TRPC4: variants seen among roughly 807,000 people sequenced by gnomAD.
The protein encoded by TRPC4 is transient receptor potential cation channel subfamily C member 4, also known as short transient receptor potential channel 4.
A neutral mutation model predicts 99.4 loss-of-function variants in TRPC4; 49 were observed. The ratio of observed to expected loss-of-function variants is 0.49; its 90% CI spans 0.39 to 0.63. TRPC4 has a LOEUF of 0.63. Ranked by LOEUF, TRPC4 falls within the 20% of genes least tolerant of loss-of-function variation. The pLI is 0.00. For synonymous variants in TRPC4, 454 were observed against 425.9 expected (o/e 1.07, Z -0.81); for missense variants, 898 against 1,152.9 (o/e 0.78, Z 3.20).
At chr13:37,792,316 T>G (rs1957141802) in intron 1 of TRPC4, among the ~76,000 whole-genome samples, 4 of 152,172 alleles carry the variant, frequency 2.6e-5, no homozygotes, top group Admixed American at 2.6e-4. Context: ...TAACATATTT[T>G]GAGTAATCTT....
In TRPC4 at chr13:37,636,942, G is replaced by T; in HGVS notation, c.2895C>A (p.Asp965Glu). 1 of 1,613,236 alleles carries T rather than the reference G, an allele frequency of 6.2e-7. No homozygotes were observed. The highest frequency in any genetic ancestry group is 1.1e-5 in the South Asian group (1 of 90,976). The stretch of plus-strand genomic sequence containing the variant: ...TCACGTAATCTTCGTGGGTGACTGT[G>T]TCTGGGAGGTTTAGATCATAGTCTA... ...SSIDYDLNLP[D>E]TVTHEDYVTT... The change falls in exon 11 of 11, where the codon GAC becomes GAA. Residue 965 changes from aspartate to glutamate, a missense_variant. Physicochemically the swap from Asp to Glu is conservative, Grantham distance 45. Transcript: ENST00000379705.
chr13:37,660,830 C>A (rs1030341090), intron 6 of TRPC4, among the ~76,000 whole-genome samples: 1 of 152,000 alleles, frequency 6.6e-6, no homozygotes, highest in African/African-American at 2.4e-5. Flanking sequence ...AAATTAAAAA[C>A]CAAAGAAAGC....
At position 37,783,461 on chromosome 13, in the gene TRPC4, T is replaced by A. The variant is rs757999681; in HGVS notation, c.-27-101A>T. The A allele has an allele frequency of 6.7e-6, 6 of 895,342 alleles. 1 individual carries two copies. The Middle Eastern group carries it at 1.7e-3, about 256-fold the overall frequency. 55.5% of individuals were successfully genotyped at this position (895,342 alleles called of 1,614,324 possible). A position where few individuals can be genotyped will look rare whatever the true frequency, so the allele number is the denominator to read the frequency against. ...CTCACAGTGATATCAATAACAACAA[T>A]ACCATTATTAGTAACTATTAAGAGT... On this transcript the variant is annotated intron_variant, in intron 1 of 10. Transcript: ENST00000379705.
At chr13:37,719,368 G>A (rs1954788520) in intron 3 of TRPC4, among the ~76,000 whole-genome samples, 1 of 151,588 alleles carries the variant, frequency 6.6e-6, no homozygotes, top group African/African-American at 2.4e-5. Flanking sequence ...AAAAATGAAG[G>A]TAAAACAAAG....
chr13:37,865,294 C>T (rs766113460), intron 1 of TRPC4, among the ~76,000 whole-genome samples: 1 of 151,582 alleles, frequency 6.6e-6, no homozygotes, highest in African/African-American at 2.4e-5. Flanking sequence ...ATAAACCTAA[C>T]ATGGCCTAGC....
At chr13:37,710,672 C>G (rs545289761) in intron 3 of TRPC4, among the ~76,000 whole-genome samples, 1 of 152,000 alleles carries the variant, frequency 6.6e-6, no homozygotes, top group East Asian at 1.9e-4. Flanking sequence ...CTTCCAAACA[C>G]ATTATTTGTC....
intron 5 of TRPC4, among the ~76,000 whole-genome samples, chr13:37,672,472 G>T (rs1162388155): frequency 6.6e-6 from 1 of 152,150 alleles, no homozygotes; most frequent in East Asian, 1.9e-4. Context: ...CTTAGTACAT[G>T]TAACTTAAAT....
intron 2 of TRPC4, among the ~76,000 whole-genome samples, chr13:37,755,982 C>T (rs1354565831): frequency 6.6e-6 from 1 of 151,976 alleles, no homozygotes; most frequent in Non-Finnish European, 1.5e-5. Context: ...AAAAAAACCC[C>T]TCAGGATTAT....
At chr13:37,643,197 C>A (rs1336447857) in intron 8 of TRPC4, among the ~76,000 whole-genome samples, 1 of 152,086 alleles carries the variant, frequency 6.6e-6, no homozygotes, top group African/African-American at 2.4e-5. Context: ...TGTCTCAAGG[C>A]TCCATTTTGG....
At chr13:37,726,920 T>C (rs969382301) in intron 3 of TRPC4, among the ~76,000 whole-genome samples, 1 of 152,144 alleles carries the variant, frequency 6.6e-6, no homozygotes, top group Non-Finnish European at 1.5e-5. Context: ...ACACACCTGA[T>C]GATAGTTCAT....
rs547704020 is a variant in TRPC4, at chr13:37,632,571, G to A, written c.*4332C>T. Among the ~76,000 whole-genome samples the A allele has an allele frequency of 1.8e-4, 28 of 152,288 alleles. No individual in the cohort carries two copies. Among genetic ancestry groups the A allele is most frequent in the African/African-American group, 4.8e-4 (20 of 41,562 alleles). On this transcript the variant is annotated 3_prime_UTR_variant, in exon 11 of 11. Coordinates refer to ENST00000379705, the MANE Select transcript of TRPC4 (RefSeq NM_016179.4). ...ACTGGTGAATTTGACTTGCAGAGAC[G>A]TCTTCACTGTCAGCCTAGTAACGGT...
At chr13:37,793,895 G>T (rs1957182963) in intron 1 of TRPC4, among the ~76,000 whole-genome samples, 1 of 152,078 alleles carries the variant, frequency 6.6e-6, no homozygotes, top group African/African-American at 2.4e-5. Context: ...TGTGGTAAAA[G>T]GCAGGTAATA....
intron 1 of TRPC4, among the ~76,000 whole-genome samples, chr13:37,834,325 A>G (rs1206977833): frequency 3.3e-5 from 5 of 152,212 alleles, no homozygotes; most frequent in African/African-American, 7.2e-5. Flanking sequence ...ACTTTAAGTC[A>G]CATGTACTTT....
intron 3 of TRPC4, among the ~76,000 whole-genome samples, chr13:37,715,094 A>G (rs969549195): frequency 6.6e-6 from 1 of 152,218 alleles, no homozygotes; most frequent in African/African-American, 2.4e-5. Flanking sequence ...AGTGATCCCA[A>G]TAATTTGCAG....
chr13:37,827,870 C>T (rs1309373119), intron 1 of TRPC4, among the ~76,000 whole-genome samples: 1 of 152,188 alleles, frequency 6.6e-6, no homozygotes, highest in Non-Finnish European at 1.5e-5. Context: ...CCTCCCCTAG[C>T]CTCGCTGCTG....
In TRPC4 at chr13:37,783,082, C is replaced by T. The variant is rs998032700; in HGVS notation, c.252G>A (p.Glu84=). The T allele has an allele frequency of 1.2e-6, 2 of 1,613,326 alleles. No homozygotes were observed. Residue 84 remains glutamate (E), a synonymous_variant, in exon 2 of 11, where the codon GAG becomes GAA. Transcript: ENST00000379705. ...TAAAGCTTAAGAGTAGTTCGATGAG[C>T]TCCAAGTTCTCATTTTCAATTGCAA... ...LLIAIENENL[E]LIELLLSFNV...
intron 3 of TRPC4, among the ~76,000 whole-genome samples, chr13:37,708,220 T>TAAGGAGATTTAAAAATGCTCAAGA (rs1954358080): frequency 6.6e-6 from 1 of 152,236 alleles, no homozygotes; most frequent in Admixed American, 6.6e-5. Flanking sequence ...GTAAAAGCTA[T>TAAGGAGATTTAAAAATGCTCAAGA]AAGGAGATTT....
intron 1 of TRPC4, among the ~76,000 whole-genome samples, chr13:37,819,940 C>A (rs191265262): frequency 4.9e-4 from 74 of 150,780 alleles, no homozygotes; most frequent in Non-Finnish European, 1.8e-4. Flanking sequence ...AATAAACAAC[C>A]AAAATCAGAG....
At position 37,688,525 on chromosome 13, in the gene TRPC4, T is replaced by C. The variant is rs150198670; in HGVS notation, c.1234+3474A>G. Reference sequence around the variant, plus strand: ...TTTAAAGTTAGAGAACTTTCCTACCTAGATAAACATGGACATTTATGATAT... The same window carrying C: ...TTTAAAGTTAGAGAACTTTCCTACCCAGATAAACATGGACATTTATGATAT... On this transcript the variant is annotated intron_variant, in intron 4 of 10. Transcript: ENST00000379705. Among the ~76,000 whole-genome samples, 1,278 of 152,286 alleles carry C rather than the reference T, an allele frequency of 8.4e-3. 26 individuals carry two copies. Among genetic ancestry groups the C allele is most frequent in the African/African-American group, 0.03 (1,229 of 41,562 alleles).
Sources: allele counts gnomAD v4.1 joint callset (sites outside exome capture counted in the v4.1 genomes callset), GRCh38; gene constraint gnomAD v4.1.1; transcripts MANE v1.5; gene names NCBI Gene and HGNC (gene_info 2026-07-23, HGNC 2026-07-21).